ERC2: variants seen among roughly 807,000 people sequenced by gnomAD.
ERC2 encodes the protein ERC protein 2.
A neutral mutation model predicts 114.8 loss-of-function variants in ERC2; 42 were observed. The ratio of observed to expected loss-of-function variants is 0.37; its 90% confidence interval spans 0.29 to 0.47. ERC2 has a LOEUF of 0.47. Among genes scored for constraint, ERC2 ranks in the 20% least tolerant of loss-of-function variants. The pLI is 0.99. For synonymous variants in ERC2, 454 were observed against 425.5 expected, an observed-to-expected ratio of 1.07 and a Z score of -0.82; for missense variants, 939 against 1,150.7, an observed-to-expected ratio of 0.82 and a Z score of 2.66.
At chr3:55,626,561 A>G (rs967672965) in intron 17 of ERC2, among the ~76,000 whole-genome samples, 14 of 152,224 alleles carry the variant, frequency 9.2e-5, no homozygotes, top group Non-Finnish European at 2.1e-4. Flanking sequence ...CTGCTTATTT[A>G]CTGAATAAAG....
chr3:55,582,236 C>T (rs946433428), intron 17 of ERC2, among the ~76,000 whole-genome samples: 4 of 152,226 alleles, frequency 2.6e-5, no homozygotes, highest in Non-Finnish European at 4.4e-5. Context: ...TCTGGTTTCA[C>T]AGAAGCTTTC....
intron 3 of ERC2, among the ~76,000 whole-genome samples, chr3:56,216,236 T>C (rs2049461431): frequency 6.6e-6 from 1 of 152,088 alleles, no homozygotes; most frequent in African/African-American, 2.4e-5. Flanking sequence ...ACAAAATTGA[T>C]AGACTGCTAG....
At chr3:55,769,306 C>T (rs1175561538) in intron 14 of ERC2, among the ~76,000 whole-genome samples, 1 of 152,094 alleles carries the variant, frequency 6.6e-6, no homozygotes, top group Non-Finnish European at 1.5e-5. Flanking sequence ...AGTTTGGGAG[C>T]TGATAGTGAA....
At chr3:56,034,108 T>A (rs918142450) in intron 7 of ERC2, among the ~76,000 whole-genome samples, 4 of 152,192 alleles carry the variant, frequency 2.6e-5, no homozygotes, top group African/African-American at 9.6e-5. Context: ...AGGACACATA[T>A]AGGCTGAAAG....
intron 3 of ERC2, among the ~76,000 whole-genome samples, chr3:56,273,044 G>A (rs916554377): frequency 6.6e-6 from 1 of 152,152 alleles, no homozygotes; most frequent in Non-Finnish European, 1.5e-5. Flanking sequence ...CACAGCTGAT[G>A]AGATTCTTCC....
In ERC2 at chr3:55,549,888, C is replaced by G. The variant is rs191094227; in HGVS notation, c.*40-38612G>C. Among the ~76,000 whole-genome samples the G allele has an allele frequency of 4.1e-4, 61 of 148,994 alleles. No individual in the cohort carries two copies. In the Middle Eastern group the frequency reaches 0.021, roughly 50 times the overall value. The stretch of plus-strand genomic sequence containing the variant: ...GCTTCTGGTCACCACCACCTCCTTT[C>G]TCTCTCTCTCTCTGCCCCCAACCCC... On this transcript the variant is annotated intron_variant, in intron 17 of 17. Transcript: ENST00000288221.
chr3:56,319,855 C>T (rs2057045600), intron 2 of ERC2, among the ~76,000 whole-genome samples: 1 of 151,982 alleles, frequency 6.6e-6, no homozygotes, highest in South Asian at 2.1e-4. Flanking sequence ...AGGGACAGTC[C>T]CTCAATCCAG....
At chr3:56,413,182 C>A (rs1464115704) in intron 2 of ERC2, among the ~76,000 whole-genome samples, 1 of 152,228 alleles carries the variant, frequency 6.6e-6, no homozygotes, top group Non-Finnish European at 1.5e-5. Context: ...CGGACCCGAA[C>A]AAGGCAAGCC....
chr3:55,948,799 C>T (rs1435922949), intron 13 of ERC2, among the ~76,000 whole-genome samples: 1 of 152,190 alleles, frequency 6.6e-6, no homozygotes, highest in Non-Finnish European at 1.5e-5. Context: ...CTTTGATGCT[C>T]ATTGTATATC....
chr3:55,780,455 G>A (rs546467554), intron 14 of ERC2, among the ~76,000 whole-genome samples: 1 of 152,018 alleles, frequency 6.6e-6, no homozygotes, highest in Non-Finnish European at 1.5e-5. Context: ...TAGCTAATAG[G>A]TGTACCAAAA....
chr3:55,640,669 G>A (rs1279163034), intron 17 of ERC2, among the ~76,000 whole-genome samples: 1 of 152,190 alleles, frequency 6.6e-6, no homozygotes, highest in Non-Finnish European at 1.5e-5. Flanking sequence ...GGGGACAGAA[G>A]ACCATATGAG....
intron 4 of ERC2, among the ~76,000 whole-genome samples, chr3:56,172,127 C>T (rs2150021405): frequency 6.6e-6 from 1 of 151,692 alleles, no homozygotes; most frequent in Non-Finnish European, 1.5e-5. Context: ...CCTACCATTC[C>T]CCAGTGTAGA....
At chr3:56,061,780 G>A (rs1245043675) in intron 7 of ERC2, among the ~76,000 whole-genome samples, 1 of 152,160 alleles carries the variant, frequency 6.6e-6, no homozygotes, top group Admixed American at 6.5e-5. Flanking sequence ...CTAAGTTAAA[G>A]TTACTGTAAA....
At chr3:56,014,672 C>T (rs1481667433) in intron 8 of ERC2, among the ~76,000 whole-genome samples, 1 of 151,476 alleles carries the variant, frequency 6.6e-6, no homozygotes, top group African/African-American at 2.4e-5. Flanking sequence ...TAGAATAAAT[C>T]AAATCTTAAT....
intron 2 of ERC2, among the ~76,000 whole-genome samples, chr3:56,326,867 T>A (rs1576445222): frequency 6.6e-6 from 1 of 152,220 alleles, no homozygotes; most frequent in African/African-American, 2.4e-5. Flanking sequence ...TGATGATTTC[T>A]CTTCTCAAGG....
intron 14 of ERC2, among the ~76,000 whole-genome samples, chr3:55,737,887 C>G (rs959197988): frequency 1.3e-5 from 2 of 152,068 alleles, no homozygotes; most frequent in Non-Finnish European, 2.9e-5. Context: ...GCTTACTGCC[C>G]CATATAATAG....
intron 2 of ERC2, among the ~76,000 whole-genome samples, chr3:56,433,048 T>G (rs1456245046): frequency 6.6e-6 from 1 of 151,960 alleles, no homozygotes; most frequent in African/African-American, 2.4e-5. Context: ...TGTGGTGATA[T>G]GTGCCCGTAG....
Position 55,761,362 on chromosome 3 carries a change from C to CA in ERC2, c.2565-26445dup, listed in dbSNP as rs149031472. The stretch of plus-strand genomic sequence containing the variant: ...TCTTTTAATACAAGTGTGTCCTGCT[C>CA]AATATTTGAGATGTGCTTATACTAA... On this transcript the variant is annotated intron_variant, in intron 14 of 17. Coordinates refer to ENST00000288221, the MANE Select transcript of ERC2 (RefSeq NM_015576.3). Among the ~76,000 whole-genome samples the CA allele has an allele frequency of 7.6e-3, 1,148 of 151,760 alleles. 20 individuals are homozygous for CA. The highest frequency in any genetic ancestry group is 0.027 in the African/African-American group (1,107 of 41,390).
intron 2 of ERC2, among the ~76,000 whole-genome samples, chr3:56,305,322 T>C (rs1480405437): frequency 6.6e-6 from 1 of 152,016 alleles, no homozygotes; most frequent in Admixed American, 6.6e-5. Context: ...AGAATTCCTA[T>C]AATTCAATAA....
Sources: gnomAD v4.1 joint callset for allele counts (sites outside exome capture counted in the v4.1 genomes callset) on GRCh38, gnomAD v4.1.1 for gene constraint, MANE v1.5 for transcripts, NCBI Gene and HGNC (gene_info 2026-07-23, HGNC 2026-07-21) for gene names.